Variants in EPHB2 observed in about 807,000 individuals in gnomAD.
EPHB2 encodes ephrin type-B receptor 2.
In EPHB2, 18 loss-of-function variants were observed where a neutral mutation model predicts 96.4. That is an observed-to-expected ratio of 0.19 (90% confidence interval 0.13 to 0.28). EPHB2 has a LOEUF of 0.28. Among genes scored for constraint, EPHB2 ranks in the 10% least tolerant of loss-of-function variants. The pLI, the probability that EPHB2 is intolerant of heterozygous loss-of-function variation, is 1.00. For missense variants in EPHB2, 989 were observed against 1,355.4 expected (o/e 0.73, Z 4.25); for synonymous variants, 506 against 534.1 (o/e 0.95, Z 0.72).
At chr1:22,800,184 G>T (rs780039147) in intron 3 of EPHB2, 1 of 152,310 alleles carries the variant, frequency 6.6e-6, no homozygotes, top group Admixed American at 6.5e-5. Context: ...GTACGCATGC[G>T]TGTGCGCTGG....
chr1:22,871,072 A>G (rs911138204), intron 5 of EPHB2, among the ~76,000 whole-genome samples: 1 of 152,226 alleles, frequency 6.6e-6, no homozygotes, highest in Non-Finnish European at 1.5e-5. Flanking sequence ...GCACCGTGCT[A>G]AGCCCTTAAC....
intron 3 of EPHB2, among the ~76,000 whole-genome samples, chr1:22,806,731 A>G (rs1341365850): frequency 6.6e-6 from 1 of 152,268 alleles, no homozygotes; most frequent in Admixed American, 6.5e-5. Flanking sequence ...CAGCGCCTGC[A>G]TAGGCTGAAG....
intron 1 of EPHB2, among the ~76,000 whole-genome samples, chr1:22,715,523 T>C (rs915145546): frequency 1.3e-5 from 2 of 152,250 alleles, no homozygotes; most frequent in African/African-American, 4.8e-5. Flanking sequence ...GAATTGGTTT[T>C]CCTTTTATGT....
intron 3 of EPHB2, among the ~76,000 whole-genome samples, chr1:22,786,427 G>A (rs970310832): frequency 1.3e-5 from 2 of 152,176 alleles, no homozygotes; most frequent in African/African-American, 4.8e-5. Context: ...CAGATCCTGG[G>A]GTGCCTCAGA....
chr1:22,712,043 A>G (rs1643164030), intron 1 of EPHB2, among the ~76,000 whole-genome samples: 1 of 152,182 alleles, frequency 6.6e-6, no homozygotes, highest in African/African-American at 2.4e-5. Flanking sequence ...ACCACTTTAC[A>G]GTTTATGAAG....
intron 5 of EPHB2, among the ~76,000 whole-genome samples, chr1:22,873,388 C>T (rs1396011455): frequency 1.3e-5 from 2 of 152,216 alleles, no homozygotes; most frequent in Non-Finnish European, 2.9e-5. Flanking sequence ...CATGTTTTCT[C>T]ATGGCAATCA....
chr1:22,895,715 G>A, intron 8 of EPHB2, 135 bp downstream of exon 8: 2 of 844,186 alleles, frequency 2.4e-6, no homozygotes, highest in South Asian at 3.3e-5. Context: ...TGGGTAGGAA[G>A]TGGAAGGCTT....
intron 1 of EPHB2, among the ~76,000 whole-genome samples, chr1:22,770,227 A>G (rs762797293): frequency 6.6e-6 from 1 of 152,118 alleles, no homozygotes; most frequent in East Asian, 1.9e-4. Context: ...GCAGATGTCA[A>G]GATAGTTTAT....
At position 22,789,325 on chromosome 1, in the gene EPHB2, A is replaced by C. The variant is rs1161295648; in HGVS notation, c.811+4249A>C. 2.0e-5 allele frequency among the ~76,000 whole-genome samples: 3 copies of C among 152,358 alleles called. No homozygotes were observed. In the East Asian group the frequency reaches 5.8e-4, roughly 29 times the overall value. ...AACATCCATTGCTTTGTTAATATAAATTAGAGAAAATAAGGCTGGATTAAG... is the reference window on the plus strand; with the variant it reads ...AACATCCATTGCTTTGTTAATATAACTTAGAGAAAATAAGGCTGGATTAAG... On this transcript the variant is annotated intron_variant, in intron 3 of 15. Coordinates refer to ENST00000374630, the MANE Select transcript of EPHB2 (RefSeq NM_017449.5).
chr1:22,843,821 G>A (rs572769460), intron 3 of EPHB2, among the ~76,000 whole-genome samples: 11 of 152,220 alleles, frequency 7.2e-5, no homozygotes, highest in African/African-American at 2.4e-4. Context: ...GATTACAGGC[G>A]TGGGCCACCG....
rs1645550442 is a variant in EPHB2 at position 22,846,833 on chromosome 1, T to C, written c.812-16204T>C. ...AGTGGTAGAGACCCCTCCTCTGGGC[T>C]TCCAGACCCAGCGCCTCTTCCCCAC... is the stretch of plus-strand genomic sequence containing the variant. On this transcript the variant is annotated intron_variant, in intron 3 of 15. Transcript: ENST00000374630. The surrounding 1 kb of genome is among the most constrained non-coding windows in gnomAD (Gnocchi z 4.3). Among the ~76,000 whole-genome samples the C allele has an allele frequency of 6.6e-6, 1 of 152,196 alleles. No homozygotes were observed. The highest frequency in any genetic ancestry group is 6.6e-5 in the Admixed American group (1 of 15,266).
At chr1:22,752,771 ACACACACACATG>A (rs1363249307) in intron 1 of EPHB2, among the ~76,000 whole-genome samples, 3 of 151,320 alleles carry the variant, frequency 2.0e-5, no homozygotes, top group African/African-American at 7.3e-5. Context: ...TTACACGTAC[ACACACACACATG>A]CACACACACA....
At chr1:22,711,509 G>A (rs1643143644) in intron 1 of EPHB2, among the ~76,000 whole-genome samples, 2 of 151,124 alleles carry the variant, frequency 1.3e-5, no homozygotes. Flanking sequence ...CGGCCGGGGT[G>A]GGGGCTCCCG....
chr1:22,809,187 C>G lies in EPHB2; in HGVS notation c.811+24111C>G, dbSNP rs573140893. On this transcript the variant is annotated intron_variant, in intron 3 of 15. Coordinates refer to ENST00000374630, the MANE Select transcript of EPHB2 (RefSeq NM_017449.5). The stretch of plus-strand genomic sequence containing the variant: ...ACCCCTGGCCCTGGCCTGACCCACT[C>G]CGCTCAGTTTCCCAAGATGAGTTGC... Among the ~76,000 whole-genome samples, 259 of 152,368 alleles carry G rather than the reference C, an allele frequency of 1.7e-3. 1 individual carries two copies. The highest frequency in any genetic ancestry group is 4.6e-3 in the Admixed American group (71 of 15,308).
intron 1 of EPHB2, among the ~76,000 whole-genome samples, chr1:22,781,085 G>C (rs1435618814): frequency 3.3e-5 from 5 of 151,834 alleles, no homozygotes; most frequent in Non-Finnish European, 7.4e-5. Flanking sequence ...CTTTGGGAGG[G>C]CGAGGCGGGC....
chr1:22,864,852 G>T, intron 4 of EPHB2, 25 bp from the exon 5 acceptor site: 2 of 1,549,340 alleles, frequency 1.3e-6, no homozygotes, highest in South Asian at 1.2e-5. Flanking sequence ...GCCCCCCACT[G>T]ACCAACACCT....
At chr1:22,843,615 A>G (rs1051397235) in intron 3 of EPHB2, among the ~76,000 whole-genome samples, 1 of 152,120 alleles carries the variant, frequency 6.6e-6, no homozygotes, top group African/African-American at 2.4e-5. Context: ...ATCTCAGCTC[A>G]CTGCAACCTG....
At chr1:22,902,677 C>A (rs146138140) in intron 9 of EPHB2, among the ~76,000 whole-genome samples, 7 of 152,360 alleles carry the variant, frequency 4.6e-5, no homozygotes, top group African/African-American at 1.7e-4. Context: ...AAGACAGACA[C>A]AGCCTCGGTC....
chr1:22,750,823 C>A lies in EPHB2; in HGVS notation c.62-30598C>A, dbSNP rs369707897. On this transcript the variant is annotated intron_variant, in intron 1 of 15. Coordinates refer to ENST00000374630, the MANE Select transcript of EPHB2 (RefSeq NM_017449.5). ...TTATGAGACAGGTGCTATTATCCAC[C>A]TTCCAGATGAGTAAGCTGATACACA... Among the ~76,000 whole-genome samples the A allele has an allele frequency of 1.1e-4, 17 of 152,260 alleles. No homozygotes were observed. The South Asian group carries it at 3.5e-3, about 32-fold the overall frequency.
Sources: allele counts gnomAD v4.1 joint callset (sites outside exome capture counted in the v4.1 genomes callset), GRCh38; gene constraint gnomAD v4.1.1; non-coding constraint Gnocchi (gnomAD v3.1); transcripts MANE v1.5; gene names NCBI Gene and HGNC (gene_info 2026-07-23, HGNC 2026-07-21).